Variants in GUCY1A2 observed in about 807,000 individuals in gnomAD.
GUCY1A2 encodes guanylate cyclase soluble subunit alpha-2.
GUCY1A2 carries 27 observed loss-of-function variants against 63.5 expected under a neutral mutation model. The observed-to-expected ratio is 0.43, with a 90% CI of 0.31 to 0.59. The LOEUF is 0.59. GUCY1A2 is among the 20% of genes least tolerant of loss of function. GUCY1A2 has a pLI of 0.11. For missense variants in GUCY1A2, 768 were observed against 913.3 expected (o/e 0.84, Z 2.05); for synonymous variants, 364 against 343.5 (o/e 1.06, Z -0.66).
At chr11:106,878,142 C>T (rs745810789) in intron 4 of GUCY1A2, among the ~76,000 whole-genome samples, 24 of 151,818 alleles carry the variant, frequency 1.6e-4, no homozygotes, top group South Asian at 2.1e-4. Flanking sequence ...GGTGCTGGCA[C>T]GGTTATGAAG....
intron 4 of GUCY1A2, among the ~76,000 whole-genome samples, chr11:106,892,660 C>T (rs1380022135): frequency 1.3e-5 from 2 of 151,960 alleles, no homozygotes; most frequent in East Asian, 3.9e-4. Context: ...AGTTGTGTAT[C>T]GTTTTTCCTG....
chr11:106,869,816 T>C lies in GUCY1A2; in HGVS notation c.1207-59338A>G, dbSNP rs1025109947. 3.9e-5 allele frequency among the ~76,000 whole-genome samples: 6 copies of C among 152,166 alleles called. No homozygotes were observed. The East Asian group carries it at 5.8e-4, about 15-fold the overall frequency. On this transcript the variant is annotated intron_variant, in intron 4 of 7. Coordinates refer to ENST00000526355, the MANE Select transcript of GUCY1A2 (RefSeq NM_000855.3). Reference sequence around the variant, plus strand: ...AAAGACACATGCACATGTATGTTTATTGCAGCACTACTCACAACAGCAAAG... The same window carrying C: ...AAAGACACATGCACATGTATGTTTACTGCAGCACTACTCACAACAGCAAAG...
intron 6 of GUCY1A2, among the ~76,000 whole-genome samples, chr11:106,775,204 T>A (rs889623378): frequency 4.6e-5 from 7 of 152,138 alleles, no homozygotes; most frequent in African/African-American, 7.2e-5. Context: ...TCAGGAAGAA[T>A]TTTTTGTGAA....
chr11:106,922,662 C>CATAT (rs6144495), intron 4 of GUCY1A2, among the ~76,000 whole-genome samples: 39 of 124,772 alleles, frequency 3.1e-4, no homozygotes, highest in Non-Finnish European at 4.1e-4. Flanking sequence ...TTGTTAACTA[C>CATAT]ATATATATAT....
chr11:106,935,628 T>G (rs563423784), intron 4 of GUCY1A2, among the ~76,000 whole-genome samples: 1 of 152,086 alleles, frequency 6.6e-6, no homozygotes, highest in Non-Finnish European at 1.5e-5. Context: ...TCACCTGAGG[T>G]CAGGAGTTTG....
intron 3 of GUCY1A2, among the ~76,000 whole-genome samples, chr11:106,972,732 A>G (rs1487520523): frequency 6.6e-6 from 1 of 152,120 alleles, no homozygotes; most frequent in Non-Finnish European, 1.5e-5. Flanking sequence ...CTCAATATCC[A>G]ATAACCAAAA....
intron 5 of GUCY1A2, among the ~76,000 whole-genome samples, chr11:106,779,482 G>A (rs1377419738): frequency 1.3e-5 from 2 of 152,096 alleles, no homozygotes; most frequent in Non-Finnish European, 2.9e-5. Context: ...TATTAGCTGT[G>A]TACTTCAAAA....
intron 3 of GUCY1A2, among the ~76,000 whole-genome samples, chr11:106,975,209 C>T (rs1304656603): frequency 6.6e-6 from 1 of 152,112 alleles, no homozygotes; most frequent in African/African-American, 2.4e-5. Context: ...TCCCTGCCTA[C>T]AACACTATGT....
At chr11:106,788,059 C>A (rs991754405) in intron 5 of GUCY1A2, among the ~76,000 whole-genome samples, 4 of 152,098 alleles carry the variant, frequency 2.6e-5, no homozygotes, top group Non-Finnish European at 4.4e-5. Context: ...TATTACCTGT[C>A]TCTTGGGATA....
At chr11:106,961,158 T>C (rs180847835) in intron 3 of GUCY1A2, among the ~76,000 whole-genome samples, 65 of 152,142 alleles carry the variant, frequency 4.3e-4, no homozygotes, top group Admixed American at 1.8e-3. Context: ...TTCCAACTTG[T>C]GTCCTGCCAC....
At chr11:107,006,696 T>C (rs1861675908) in intron 1 of GUCY1A2, among the ~76,000 whole-genome samples, 1 of 152,256 alleles carries the variant, frequency 6.6e-6, no homozygotes, top group Non-Finnish European at 1.5e-5. Context: ...TTTGCTATTA[T>C]CAAGCACTTG....
At chr11:106,757,867 G>T (rs1864001022) in intron 6 of GUCY1A2, among the ~76,000 whole-genome samples, 1 of 152,236 alleles carries the variant, frequency 6.6e-6, no homozygotes, top group Non-Finnish European at 1.5e-5. Flanking sequence ...TCTGTTAACA[G>T]AGCTCGAATG....
At chr11:106,696,132 C>T (rs1422850220) in intron 7 of GUCY1A2, among the ~76,000 whole-genome samples, 1 of 152,126 alleles carries the variant, frequency 6.6e-6, no homozygotes, top group Non-Finnish European at 1.5e-5. Context: ...AAAACTAATG[C>T]CCTTTACATT....
intron 7 of GUCY1A2, among the ~76,000 whole-genome samples, chr11:106,705,749 A>G (rs965642598): frequency 6.6e-6 from 1 of 152,142 alleles, no homozygotes; most frequent in Non-Finnish European, 1.5e-5. Flanking sequence ...AGTCCCAGCT[A>G]CTTGGGAGGC....
At chr11:106,875,637 T>C (rs541570692) in intron 4 of GUCY1A2, among the ~76,000 whole-genome samples, 1 of 152,042 alleles carries the variant, frequency 6.6e-6, no homozygotes, top group East Asian at 1.9e-4. Context: ...AGAGTGGGTG[T>C]CTCATCTCCC....
At chr11:106,769,503 A>G (rs1310536621) in intron 6 of GUCY1A2, among the ~76,000 whole-genome samples, 1 of 152,208 alleles carries the variant, frequency 6.6e-6, no homozygotes, top group East Asian at 1.9e-4. Flanking sequence ...GAAGAGACTC[A>G]TAACTTTGCT....
At chr11:106,944,352 G>A (rs1342039594) in intron 3 of GUCY1A2, among the ~76,000 whole-genome samples, 1 of 151,958 alleles carries the variant, frequency 6.6e-6, no homozygotes, top group Non-Finnish European at 1.5e-5. Flanking sequence ...AGGCTGAGGT[G>A]GGAGAATCAC....
intron 4 of GUCY1A2, among the ~76,000 whole-genome samples, chr11:106,857,624 A>G (rs994884492): frequency 2.0e-5 from 3 of 152,178 alleles, no homozygotes; most frequent in Non-Finnish European, 4.4e-5. Flanking sequence ...GAGAACGTAC[A>G]GTCAGCTCTC....
rs1036783658 is a variant in GUCY1A2, at chr11:106,676,624, T to A, written c.*10925A>T. The A allele has an allele frequency of 1.0e-4, 19 of 190,142 alleles. No individual in the cohort carries two copies. Among genetic ancestry groups the A allele is most frequent in the Non-Finnish European group, 2.0e-4 (18 of 90,558 alleles). 11.8% of individuals were successfully genotyped at this position (190,142 alleles called of 1,614,324 possible). A position where few individuals can be genotyped will look rare whatever the true frequency, so the allele number is the denominator to read the frequency against. ...TGCCAAGCTGAATTACAGAAGGGTA[T>A]CTAAGAAAGAAGACAGTGCATCAGT... is the stretch of plus-strand genomic sequence containing the variant. On this transcript the variant is annotated 3_prime_UTR_variant, in exon 8 of 8. Coordinates refer to ENST00000526355, the MANE Select transcript of GUCY1A2 (RefSeq NM_000855.3).
Sources: allele counts gnomAD v4.1 joint callset (sites outside exome capture counted in the v4.1 genomes callset), GRCh38; gene constraint gnomAD v4.1.1; transcripts MANE v1.5; gene names NCBI Gene and HGNC (gene_info 2026-07-23, HGNC 2026-07-21).